CACNA1E: variants seen among roughly 807,000 people sequenced by gnomAD.
The protein encoded by CACNA1E is calcium voltage-gated channel subunit alpha1 E.
Under a neutral mutation model 259.2 loss-of-function variants are expected in CACNA1E, and 40 were observed. The observed-to-expected ratio is 0.15, with a 90% CI of 0.12 to 0.20. CACNA1E has a LOEUF of 0.20. Among genes scored for constraint, CACNA1E ranks in the 10% least tolerant of loss-of-function variants. The pLI, the probability that CACNA1E is intolerant of heterozygous loss-of-function variation, is 1.00. For missense variants in CACNA1E, 1,874 were observed against 3,040.1 expected (o/e 0.62, Z 9.02); for synonymous variants, 1,104 against 1,138.5 (o/e 0.97, Z 0.61).
chr1:181,414,782 G>A (rs372779336), intron 2 of CACNA1E, among the ~76,000 whole-genome samples: 3 of 152,226 alleles, frequency 2.0e-5, no homozygotes, highest in African/African-American at 4.8e-5. Context: ...GATAACAACC[G>A]CATTGTTACT....
intron 2 of CACNA1E, among the ~76,000 whole-genome samples, chr1:181,422,677 A>G (rs1286907692): frequency 6.6e-6 from 1 of 152,140 alleles, no homozygotes; most frequent in Non-Finnish European, 1.5e-5. Flanking sequence ...ACCTTTTTGA[A>G]TTGTTATGAA....
chr1:181,388,838 C>T (rs552197096), intron 1 of CACNA1E, among the ~76,000 whole-genome samples: 46 of 151,988 alleles, frequency 3.0e-4, no homozygotes, highest in African/African-American at 1.1e-3. Flanking sequence ...TTGCAGTAAG[C>T]CAAGATGGCG....
chr1:181,455,255 T>C (rs1661386987), intron 2 of CACNA1E, among the ~76,000 whole-genome samples: 1 of 152,176 alleles, frequency 6.6e-6, no homozygotes, highest in Non-Finnish European at 1.5e-5. Context: ...AGACAACCAC[T>C]GGTGGGCACA....
chr1:181,629,637 T>TA (rs1656512296), intron 6 of CACNA1E, among the ~76,000 whole-genome samples: 2 of 151,442 alleles, frequency 1.3e-5, no homozygotes, highest in Non-Finnish European at 1.5e-5. Context: ...AAATGACACG[T>TA]GAAAAAAATT....
intron 1 of CACNA1E, among the ~76,000 whole-genome samples, chr1:181,495,599 C>T (rs1405720256): frequency 6.6e-6 from 1 of 152,204 alleles, no homozygotes; most frequent in Admixed American, 6.5e-5. Flanking sequence ...TGCTGTCCTA[C>T]TTCCTCCTGG....
At chr1:181,796,569 A>T (rs943254840) in intron 46 of CACNA1E, 99 bp from the exon 47 acceptor site, 6 of 892,516 alleles carry the variant, frequency 6.7e-6, no homozygotes, top group Non-Finnish European at 9.9e-6. Context: ...CTGAGGGCCC[A>T]ACCCCAGGCT....
In CACNA1E at chr1:181,807,816, G is replaced by A. The variant is rs1388236619; in HGVS notation, c.*8982G>A. 1 of 152,010 alleles carries A rather than the reference G, an allele frequency of 6.6e-6. No individual in the cohort carries two copies. The highest frequency in any genetic ancestry group is 1.5e-5 in the Non-Finnish European group (1 of 67,994). The allele number at this position is 152,010 out of a possible 1,614,324, so 9.4% of individuals were successfully genotyped here. ...CAGGCTGGATTTTAGAAATTTCTAA[G>A]ATTCTCTACAACTTTTAAATTTTAT... On this transcript the variant is annotated 3_prime_UTR_variant, in exon 48 of 48. Coordinates refer to ENST00000367573, the MANE Select transcript of CACNA1E (RefSeq NM_001205293.3).
chr1:181,733,645 C>T lies in CACNA1E; in HGVS notation c.3157C>T (p.Leu1053Phe). The change falls in exon 21 of 48, where the codon CTC (leucine) becomes TTC (phenylalanine). Residue 1053 changes from leucine (L) to phenylalanine (F), a missense_variant. This residue lies in a region of CACNA1E where 476 missense variants were observed against 514.0 expected (regional missense o/e 0.93). Transcript: ENST00000367573. Reference protein sequence around the residue: ...GRVISQSEPDLSCITANTDKA... With the variant: ...GRVISQSEPDFSCITANTDKA... ...GGTCATCAGCCAGAGCGAGCCTGAC[C>T]TCTCCTGCATCACGGCCAACACGGA... is the stretch of plus-strand genomic sequence containing the variant. The T allele has an allele frequency of 6.2e-7, 1 of 1,613,190 alleles. No homozygotes were observed. Among genetic ancestry groups the T allele is most frequent in the Non-Finnish European group, 8.5e-7 (1 of 1,179,604 alleles).
chr1:181,459,488 T>C (rs1661670009), intron 2 of CACNA1E, among the ~76,000 whole-genome samples: 2 of 152,328 alleles, frequency 1.3e-5, no homozygotes, highest in African/African-American at 4.8e-5. Context: ...AAACCAGTCA[T>C]AGTAATGCCT....
chr1:181,591,771 A>G (rs1558161337), intron 6 of CACNA1E, among the ~76,000 whole-genome samples: 1 of 152,174 alleles, frequency 6.6e-6, no homozygotes, highest in Non-Finnish European at 1.5e-5. Context: ...TTATTTTTCT[A>G]TCAGTAATGT....
chr1:181,326,924 C>T (rs1180340393), intron 1 of CACNA1E, among the ~76,000 whole-genome samples: 1 of 152,150 alleles, frequency 6.6e-6, no homozygotes, highest in African/African-American at 2.4e-5. Flanking sequence ...ACCTGACCTG[C>T]CCTCACCCAC....
At chr1:181,792,185 A>G (rs1025848230) in intron 44 of CACNA1E, among the ~76,000 whole-genome samples, 12 of 142,990 alleles carry the variant, frequency 8.4e-5, no homozygotes, top group African/African-American at 3.2e-4. Context: ...GTCTAGTGGG[A>G]AAAAAATCTC....
chr1:181,737,866 CCAGGGCTCTG>C lies in CACNA1E; in HGVS notation c.3552+226_3552+235del, dbSNP rs3830691. ...ACTACAAGGCTCTGCCCCAAACCGG[CCAGGGCTCTG>C]CAGGGCTCTGCAGCCACCCATGGGC... On this transcript the variant is annotated intron_variant, in intron 23 of 47. Transcript: ENST00000367573. Among the ~76,000 whole-genome samples the C allele has an allele frequency of 8.2e-3, 1,250 of 152,338 alleles. 41 individuals are homozygous for C. The East Asian group carries it at 0.099, about 12-fold the overall frequency.
upstream of CACNA1E, among the ~76,000 whole-genome samples, chr1:181,481,466 A>G (rs1255197127): frequency 6.6e-6 from 1 of 152,182 alleles, no homozygotes; most frequent in Admixed American, 6.5e-5. Flanking sequence ...CATGCCATGC[A>G]CTCAGACATC....
intron 1 of CACNA1E, among the ~76,000 whole-genome samples, chr1:181,349,221 G>T (rs1366528752): frequency 6.6e-6 from 1 of 152,172 alleles, no homozygotes; most frequent in Non-Finnish European, 1.5e-5. Context: ...TGTCTGTTTG[G>T]GTGGGGACAG....
At position 181,393,616 on chromosome 1, in the gene CACNA1E, C is replaced by T. The variant is rs531970522; in HGVS notation, c.-14-19517C>T. Among the ~76,000 whole-genome samples, 396 of 152,280 alleles carry T rather than the reference C, an allele frequency of 2.6e-3. 5 individuals are homozygous for T. Among genetic ancestry groups the T allele is most frequent in the Non-Finnish European group, 2.4e-3 (163 of 68,018 alleles). On this transcript the variant is annotated intron_variant, in intron 1 of 11. Transcript: ENST00000524607. ...GGACCACAGGCACATGCCACCAGGT[C>T]CAGCTAATTTTTTGTATTTTTGGTA... is the stretch of plus-strand genomic sequence containing the variant.
intron 25 of CACNA1E, among the ~76,000 whole-genome samples, chr1:181,740,755 TG>T (rs1656496703): frequency 1.3e-5 from 2 of 152,214 alleles, no homozygotes; most frequent in African/African-American, 4.8e-5. Context: ...TTAATTCCAT[TG>T]TGTGCAGTCA....
intron 2 of CACNA1E, among the ~76,000 whole-genome samples, chr1:181,447,231 A>C (rs1660846617): frequency 6.6e-6 from 1 of 152,196 alleles, no homozygotes; most frequent in African/African-American, 2.4e-5. Flanking sequence ...AACTGTATTT[A>C]AAAGTTAAAT....
intron 3 of CACNA1E, among the ~76,000 whole-genome samples, chr1:181,514,432 C>T (rs1448532513): frequency 6.6e-6 from 1 of 152,160 alleles, no homozygotes; most frequent in African/African-American, 2.4e-5. Flanking sequence ...TCACACCTGC[C>T]TCTTAATGGC....
Sources: gnomAD v4.1 joint callset for allele counts (sites outside exome capture counted in the v4.1 genomes callset) on GRCh38, gnomAD v4.1.1 for gene constraint, gnomAD v4.1.1 regional missense constraint, MANE v1.5 for transcripts, NCBI Gene and HGNC (gene_info 2026-07-23, HGNC 2026-07-21) for gene names.